Variants in WNK2 observed in about 807,000 individuals in gnomAD.
WNK2 encodes the protein WNK lysine deficient protein kinase 2, also known as serine/threonine-protein kinase WNK2.
WNK2 carries 67 observed loss-of-function variants against 192.1 expected under a neutral mutation model. That is an observed-to-expected ratio of 0.35 (90% CI 0.29 to 0.43). The LOEUF is 0.43. WNK2 is among the 20% of genes least tolerant of loss of function. The probability of loss-of-function intolerance (pLI) is 1.00; values close to 1 mark genes in which losing one functional copy is unlikely to be tolerated. For missense variants in WNK2, 2,698 were observed against 3,089.7 expected (o/e 0.87, Z 3.01); for synonymous variants, 1,439 against 1,393.9 (o/e 1.03, Z -0.72).
chr9:93,215,042 C>T (rs1835495185), intron 2 of WNK2, among the ~76,000 whole-genome samples: 1 of 151,910 alleles, frequency 6.6e-6, no homozygotes, highest in Non-Finnish European at 1.5e-5. Flanking sequence ...GCCACTATGC[C>T]TGGCTGTTTT....
intron 18 of WNK2, 36 bp downstream of exon 18, chr9:93,268,101 G>A: frequency 1.3e-6 from 2 of 1,586,328 alleles, no homozygotes; most frequent in Non-Finnish European, 8.6e-7. Context: ...TTTTAAGCAG[G>A]CGTTTGATGA....
rs145139530 is a variant in WNK2 at position 93,298,184 on chromosome 9, A to C, written c.5923+117A>C. 5.5e-5 allele frequency: 61 copies of C among 1,108,100 alleles called. No homozygotes were observed. In the African/African-American group the frequency reaches 9.0e-4, roughly 16 times the overall value. The allele number at this position is 1,108,100 out of a possible 1,614,324, so 68.6% of individuals were successfully genotyped here. A position where few individuals can be genotyped will look rare whatever the true frequency, so the allele number is the denominator to read the frequency against. On this transcript the variant is annotated intron_variant, in intron 24 of 29. Coordinates refer to ENST00000427277, the MANE Select transcript of WNK2 (RefSeq NM_006648.4). ...CGGACCTGGAAGACCACTCGGGGTT[A>C]TCTCCTTACTGAATCTCCTTTCCCT...
At chr9:93,296,654 T>C (rs1473524238) in intron 23 of WNK2, among the ~76,000 whole-genome samples, 3 of 63,476 alleles carry the variant, frequency 4.7e-5, no homozygotes, top group Non-Finnish European at 9.5e-5. Context: ...CCCTCACCTT[T>C]CTCCCCTGCC....
intron 2 of WNK2, among the ~76,000 whole-genome samples, chr9:93,193,404 C>T (rs1024161182): frequency 6.6e-6 from 1 of 152,178 alleles, no homozygotes; most frequent in Non-Finnish European, 1.5e-5. Flanking sequence ...TCTTTTCACC[C>T]GTCTTGCTCC....
Position 93,185,055 on chromosome 9 carries a change from GC to G in WNK2, c.127del (p.Arg43GlyfsTer5). The G allele has an allele frequency of 7.7e-7, 1 of 1,300,474 alleles. No homozygotes were observed. 80.6% of individuals were successfully genotyped at this position (1,300,474 alleles called of 1,614,324 possible). On this transcript the variant is annotated frameshift_variant, in exon 2 of 30. Transcript: ENST00000427277. LOFTEE classifies it high-confidence loss of function. Reference protein sequence around the residue: ...AARPGPQRFLRRSVVESDQEE... With the variant: ...AARPGPQRFLXRSVVESDQEE... ...CGCGGCCGGGGCCCCAGCGCTTTCT[GC>G]GGCGCAGCGTGGTAGAGTCGGACCA...
At chr9:93,222,488 G>A (rs1014581246) in intron 2 of WNK2, among the ~76,000 whole-genome samples, 1 of 152,034 alleles carries the variant, frequency 6.6e-6, no homozygotes, top group Non-Finnish European at 1.5e-5. Flanking sequence ...CAGTGCCGCC[G>A]ACTCACCCCC....
chr9:93,299,034 C>G (rs2134052759), intron 24 of WNK2, 36 bp from the exon 25 acceptor site: 2 of 1,589,646 alleles, frequency 1.3e-6, no homozygotes, highest in East Asian at 2.3e-5. Context: ...CCGGCGGCGC[C>G]TCATCGTGCC....
At chr9:93,220,693 A>G (rs1836699243) in intron 2 of WNK2, among the ~76,000 whole-genome samples, 1 of 152,176 alleles carries the variant, frequency 6.6e-6, no homozygotes, top group Non-Finnish European at 1.5e-5. Flanking sequence ...GTTGGAAGGA[A>G]GGACCACATC....
chr9:93,223,544 C>T (rs112055536), intron 2 of WNK2, among the ~76,000 whole-genome samples: 10 of 152,244 alleles, frequency 6.6e-5, no homozygotes, highest in Non-Finnish European at 8.8e-5. Context: ...CAGCCCTTTC[C>T]GCACACCCAG....
chr9:93,185,576 A>G lies in WNK2; in HGVS notation c.647A>G (p.Glu216Gly). The G allele has an allele frequency of 6.2e-7, 1 of 1,612,512 alleles. No homozygotes were observed. Among genetic ancestry groups the G allele is most frequent in the Middle Eastern group, 1.7e-4 (1 of 6,050 alleles). Residue 216 changes from glutamate to glycine, a missense_variant, in exon 2 of 30, where the codon GAG (glutamate) becomes GGG (glycine). By Grantham distance (98) the Glu-to-Gly change is moderately conservative (BLOSUM62 -2). Around this residue, in one of 7 missense-constraint regions of WNK2, gnomAD observed 230 missense variants for 501.1 expected, o/e 0.46. Coordinates refer to ENST00000427277, the MANE Select transcript of WNK2 (RefSeq NM_006648.4). ...ACGGTCTACAAGGGGCTGGACACGGAGACCTGGGTGGAGGTGGCCTGGTGT... is the reference window on the plus strand; with the variant it reads ...ACGGTCTACAAGGGGCTGGACACGGGGACCTGGGTGGAGGTGGCCTGGTGT... ...FKTVYKGLDT[E>G]TWVEVAWCEL...
At chr9:93,195,479 A>G (rs796594431) in intron 2 of WNK2, among the ~76,000 whole-genome samples, 5 of 152,218 alleles carry the variant, frequency 3.3e-5, no homozygotes, top group African/African-American at 1.2e-4. Context: ...CAGGTGGATC[A>G]CTTGAGGTCA....
chr9:93,277,823 T>A (rs1386269872), intron 19 of WNK2, among the ~76,000 whole-genome samples: 2 of 152,196 alleles, frequency 1.3e-5, no homozygotes, highest in Non-Finnish European at 2.9e-5. Context: ...AAGTTAATTT[T>A]ACTGTATGGT....
intron 9 of WNK2, among the ~76,000 whole-genome samples, chr9:93,255,590 C>A (rs918136756): frequency 6.6e-6 from 1 of 152,130 alleles, no homozygotes; most frequent in African/African-American, 2.4e-5. Context: ...TCCAGAGAAC[C>A]CCACGGGAGA....
Position 93,300,091 on chromosome 9 carries a change from T to C in WNK2, c.6156T>C (p.Tyr2052=), listed in dbSNP as rs765969210. Residue 2052 remains tyrosine (Y), a synonymous_variant, in exon 26 of 30, where the codon TAT becomes TAC. Transcript: ENST00000427277. ...VYHPTSERVT[Y]KSSSKPRARF... Reference sequence around the variant, plus strand: ...ACCCAACGTCTGAGAGAGTGACCTATAAGTCTAGTAGCAAACCTCGTGCTC... The same window carrying C: ...ACCCAACGTCTGAGAGAGTGACCTACAAGTCTAGTAGCAAACCTCGTGCTC... The C allele has an allele frequency of 6.2e-7, 1 of 1,613,526 alleles. No individual in the cohort carries two copies. Among genetic ancestry groups the C allele is most frequent in the Non-Finnish European group, 8.5e-7 (1 of 1,179,784 alleles).
chr9:93,284,426 C>A lies in WNK2; in HGVS notation c.4034-4362C>A, dbSNP rs183425560. 2.6e-5 allele frequency among the ~76,000 whole-genome samples: 4 copies of A among 152,306 alleles called. No individual in the cohort carries two copies. The East Asian group carries it at 7.7e-4, about 29-fold the overall frequency. On this transcript the variant is annotated intron_variant, in intron 19 of 29. Coordinates refer to ENST00000427277, the MANE Select transcript of WNK2 (RefSeq NM_006648.4). ...AACTTAATTCGAATAAATTTATTCACTATATCCCAATAGATGGGAAATTCT... is the reference window on the plus strand; with the variant it reads ...AACTTAATTCGAATAAATTTATTCAATATATCCCAATAGATGGGAAATTCT...
At chr9:93,317,084 C>G (rs1003987438) in intron 28 of WNK2, 1 of 246,784 alleles carries the variant, frequency 4.1e-6, no homozygotes, top group Non-Finnish European at 7.9e-6. Context: ...CATCACCTCC[C>G]TGCACACTTG....
chr9:93,267,835 C>T lies in WNK2; in HGVS notation c.3786C>T (p.Ser1262=), dbSNP rs763024577. 1.2e-5 allele frequency: 20 copies of T among 1,612,366 alleles called. No individual in the cohort carries two copies. The highest frequency in any genetic ancestry group is 6.7e-5 in the East Asian group (3 of 44,818). ...DVMDKAEDML[S]EDTDADRGSD... ...TGGACAAGGCAGAGGACATGCTCAG[C>T]GAGGACACAGACGCCGACCGTGGCT... Residue 1262 remains serine, a synonymous_variant, in exon 17 of 30, where the codon AGC becomes AGT. Transcript: ENST00000427277.
chr9:93,249,098 G>T (rs1282236911), intron 8 of WNK2, among the ~76,000 whole-genome samples: 2 of 152,134 alleles, frequency 1.3e-5, no homozygotes, highest in Non-Finnish European at 2.9e-5. Context: ...GTACATTATT[G>T]CTCCATTTTC....
intron 26 of WNK2, 200 bp from the exon 27 acceptor site, chr9:93,306,577 C>G: frequency 1.6e-6 from 1 of 626,940 alleles, no homozygotes; most frequent in Non-Finnish European, 2.8e-6. Flanking sequence ...TCTGCCCCCT[C>G]GGCGAAGCTC....
Sources: gnomAD v4.1 joint callset for allele counts (sites outside exome capture counted in the v4.1 genomes callset) on GRCh38, gnomAD v4.1.1 for gene constraint, gnomAD v4.1.1 regional missense constraint, MANE v1.5 for transcripts, NCBI Gene and HGNC (gene_info 2026-07-23, HGNC 2026-07-21) for gene names.